ASIC2: variants seen among roughly 807,000 people sequenced by gnomAD.
ASIC2 encodes the protein acid sensing ion channel subunit 2, also known as acid-sensing ion channel 2.
In ASIC2, 25 loss-of-function variants were observed where a neutral mutation model predicts 57.3. The observed-to-expected ratio is 0.44, with a 90% CI of 0.32 to 0.61. ASIC2 has a LOEUF of 0.61. Ranked by LOEUF, ASIC2 falls within the 20% of genes least tolerant of loss-of-function variation. The pLI, the probability that ASIC2 is intolerant of heterozygous loss-of-function variation, is 0.06. For missense variants in ASIC2, 641 were observed against 738.1 expected (o/e 0.87, Z 1.52); for synonymous variants, 319 against 307.5 (o/e 1.04, Z -0.39).
At chr17:34,025,008 C>T (rs757195395) in intron 1 of ASIC2, among the ~76,000 whole-genome samples, 1 of 152,176 alleles carries the variant, frequency 6.6e-6, no homozygotes, top group Non-Finnish European at 1.5e-5. Flanking sequence ...CAACATGGGG[C>T]CTCTTGGAGG....
chr17:33,443,204 G>A (rs983516541), intron 1 of ASIC2, among the ~76,000 whole-genome samples: 6 of 152,064 alleles, frequency 3.9e-5, no homozygotes, highest in African/African-American at 1.4e-4. Context: ...CAGGATATTG[G>A]TCTGCAGGTT....
chr17:34,032,534 G>A (rs1049869119), intron 1 of ASIC2, among the ~76,000 whole-genome samples: 1 of 152,160 alleles, frequency 6.6e-6, no homozygotes, highest in African/African-American at 2.4e-5. Context: ...AATGTAAATG[G>A]GCTAAATTCT....
chr17:33,480,853 C>T (rs1319965066), intron 1 of ASIC2, among the ~76,000 whole-genome samples: 1 of 152,184 alleles, frequency 6.6e-6, no homozygotes, highest in Non-Finnish European at 1.5e-5. Flanking sequence ...GCTCCACCTG[C>T]AGCATCCAAC....
intron 1 of ASIC2, among the ~76,000 whole-genome samples, chr17:33,657,397 C>T (rs945163863): frequency 6.6e-6 from 1 of 152,198 alleles, no homozygotes; most frequent in African/African-American, 2.4e-5. Flanking sequence ...GGCCATGAGG[C>T]AGCTGGGACT....
intron 1 of ASIC2, among the ~76,000 whole-genome samples, chr17:33,853,055 C>T (rs888838664): frequency 2.6e-5 from 4 of 152,210 alleles, no homozygotes. Context: ...CTCACCCACA[C>T]AAGTGAGTTG....
intron 1 of ASIC2, among the ~76,000 whole-genome samples, chr17:33,231,337 A>G (rs1908083006): frequency 1.3e-5 from 2 of 152,160 alleles, no homozygotes; most frequent in South Asian, 4.1e-4. Context: ...AGGGAATTCC[A>G]GATTGCGGGT....
chr17:33,469,933 A>T (rs1912988356), intron 1 of ASIC2, among the ~76,000 whole-genome samples: 2 of 152,190 alleles, frequency 1.3e-5, no homozygotes, highest in Admixed American at 1.3e-4. Flanking sequence ...GGAAAACAAG[A>T]TGAGTAACAG....
intron 1 of ASIC2, among the ~76,000 whole-genome samples, chr17:33,429,430 G>T (rs897465290): frequency 6.6e-6 from 1 of 151,720 alleles, no homozygotes. Flanking sequence ...TCGCTCTGTC[G>T]CCCAGGCTGG....
intron 1 of ASIC2, among the ~76,000 whole-genome samples, chr17:34,121,043 A>G (rs996545339): frequency 1.3e-5 from 2 of 152,040 alleles, no homozygotes; most frequent in Non-Finnish European, 2.9e-5. Context: ...CCTGGCCAGT[A>G]CTGGTGTCCT....
chr17:33,558,605 T>C (rs566586750), intron 1 of ASIC2, among the ~76,000 whole-genome samples: 34 of 152,212 alleles, frequency 2.2e-4, no homozygotes, highest in Non-Finnish European at 4.1e-4. Context: ...AAACTTTCTC[T>C]TGAGGGCCAG....
At chr17:33,870,574 G>A (rs1462236752) in intron 1 of ASIC2, among the ~76,000 whole-genome samples, 1 of 151,936 alleles carries the variant, frequency 6.6e-6, no homozygotes, top group Non-Finnish European at 1.5e-5. Flanking sequence ...TTAAGCAGGT[G>A]AGCAGAGGAA....
chr17:33,551,575 A>G (rs1048731222), intron 1 of ASIC2, among the ~76,000 whole-genome samples: 21 of 152,222 alleles, frequency 1.4e-4, no homozygotes, highest in Admixed American at 3.3e-4. Flanking sequence ...TCAGATGCCC[A>G]TAGCTTGGTC....
chr17:33,390,663 G>A (rs1330568197), intron 1 of ASIC2, among the ~76,000 whole-genome samples: 3 of 152,110 alleles, frequency 2.0e-5, no homozygotes, highest in Admixed American at 6.5e-5. Flanking sequence ...ATCCTCACTC[G>A]GCTGGGAGCC....
At chr17:33,678,684 T>C (rs555690036) in intron 1 of ASIC2, among the ~76,000 whole-genome samples, 3 of 152,262 alleles carry the variant, frequency 2.0e-5, no homozygotes, top group Non-Finnish European at 2.9e-5. Flanking sequence ...GCGTGTTCCC[T>C]GAGGTTCGGT....
At chr17:34,055,219 C>T (rs1414115875) in intron 1 of ASIC2, among the ~76,000 whole-genome samples, 1 of 152,120 alleles carries the variant, frequency 6.6e-6, no homozygotes, top group Non-Finnish European at 1.5e-5. Flanking sequence ...CGAAGAGACA[C>T]GATTCGATTT....
chr17:33,327,946 A>G (rs1301324528), intron 1 of ASIC2, among the ~76,000 whole-genome samples: 2 of 152,226 alleles, frequency 1.3e-5, no homozygotes, highest in Non-Finnish European at 2.9e-5. Flanking sequence ...GAGGCAGAGA[A>G]TGAACTGGTG....
At chr17:34,126,826 G>A (rs916900) in intron 1 of ASIC2, among the ~76,000 whole-genome samples, 80,400 of 151,986 alleles carry the variant, frequency 0.53, 22,426 homozygotes, top group Middle Eastern at 0.64. Context: ...AGCTGAGCGG[G>A]GCCTGAGGCG....
intron 1 of ASIC2, among the ~76,000 whole-genome samples, chr17:33,356,866 T>G (rs116118894): frequency 6.6e-6 from 1 of 152,068 alleles, no homozygotes; most frequent in South Asian, 2.1e-4. Flanking sequence ...TGCTCACTGC[T>G]GCTGCTGCAT....
intron 1 of ASIC2, among the ~76,000 whole-genome samples, chr17:33,970,258 C>A (rs1376127056): frequency 6.6e-6 from 1 of 152,174 alleles, no homozygotes; most frequent in Non-Finnish European, 1.5e-5. Flanking sequence ...GGCAAAGTTG[C>A]CCCCAGGTGA....
Sources: gnomAD v4.1 joint callset for allele counts (sites outside exome capture counted in the v4.1 genomes callset) on GRCh38, gnomAD v4.1.1 for gene constraint, MANE v1.5 for transcripts, NCBI Gene and HGNC (gene_info 2026-07-23, HGNC 2026-07-21) for gene names.